KLHL1: variants seen among roughly 807,000 people sequenced by gnomAD.
The protein encoded by KLHL1 is kelch like family member 1, also known as kelch-like protein 1.
Under a neutral mutation model 77.7 loss-of-function variants are expected in KLHL1, and 47 were observed. That is an observed-to-expected ratio of 0.60 (90% CI 0.48 to 0.77). The LOEUF is 0.77. Among genes scored for constraint, KLHL1 ranks in the 30% least tolerant of loss-of-function variants. KLHL1 has a pLI of 0.00. For missense variants in KLHL1, 925 were observed against 910.8 expected (o/e 1.02, Z -0.20); for synonymous variants, 360 against 325.2 (o/e 1.11, Z -1.15).
At chr13:69,710,926 ACT>A (rs1269791640) in intron 9 of KLHL1, among the ~76,000 whole-genome samples, 3 of 151,874 alleles carry the variant, frequency 2.0e-5, no homozygotes, top group Non-Finnish European at 4.4e-5. Context: ...CGTATCAGAG[ACT>A]CTATTAAGGT....
intron 1 of KLHL1, among the ~76,000 whole-genome samples, chr13:70,104,939 G>A (rs1027416689): frequency 3.3e-5 from 5 of 151,936 alleles, no homozygotes. Context: ...ATTATATACT[G>A]ATAATGATTA....
At chr13:70,076,418 C>G (rs1041132855) in intron 1 of KLHL1, among the ~76,000 whole-genome samples, 5 of 142,056 alleles carry the variant, frequency 3.5e-5, no homozygotes, top group African/African-American at 1.0e-4. Flanking sequence ...TTTGGATCAA[C>G]TGGATTGCCA....
chr13:69,858,399 G>T (rs1021617639), intron 5 of KLHL1, among the ~76,000 whole-genome samples: 1 of 152,036 alleles, frequency 6.6e-6, no homozygotes, highest in Admixed American at 6.6e-5. Flanking sequence ...TAAATATTAT[G>T]TATAAATCGT....
intron 2 of KLHL1, among the ~76,000 whole-genome samples, chr13:69,965,566 G>T (rs1007933652): frequency 9.9e-5 from 15 of 152,118 alleles, no homozygotes; most frequent in African/African-American, 3.6e-4. Flanking sequence ...GTGTCCAAAT[G>T]AATGGAAGTG....
intron 6 of KLHL1, among the ~76,000 whole-genome samples, chr13:69,832,178 A>G (rs1452018421): frequency 6.7e-6 from 1 of 149,914 alleles, no homozygotes; most frequent in Non-Finnish European, 1.5e-5. Flanking sequence ...CACTGATGAT[A>G]TGATTGTATA....
chr13:69,800,329 G>A (rs1877319822), intron 6 of KLHL1, among the ~76,000 whole-genome samples: 1 of 152,130 alleles, frequency 6.6e-6, no homozygotes, highest in Non-Finnish European at 1.5e-5. Flanking sequence ...CATATTCACA[G>A]GTTCCAGGGT....
At chr13:70,103,316 A>G (rs1314630733) in intron 1 of KLHL1, among the ~76,000 whole-genome samples, 1 of 152,194 alleles carries the variant, frequency 6.6e-6, no homozygotes, top group African/African-American at 2.4e-5. Flanking sequence ...CCTACATAGC[A>G]GACAAAGGAC....
intron 7 of KLHL1, among the ~76,000 whole-genome samples, chr13:69,764,118 A>T (rs907360554): frequency 1.6e-4 from 24 of 152,202 alleles, no homozygotes; most frequent in African/African-American, 5.5e-4. Flanking sequence ...AATTAAATTT[A>T]GCCTGAAGCT....
chr13:69,955,943 T>TA (rs1491391130), intron 3 of KLHL1, among the ~76,000 whole-genome samples: 3 of 97,534 alleles, frequency 3.1e-5, no homozygotes, highest in East Asian at 2.2e-4. Flanking sequence ...TTGATATATA[T>TA]TTATATATAT....
chr13:70,061,084 C>T (rs1197824433), intron 1 of KLHL1, among the ~76,000 whole-genome samples: 1 of 151,976 alleles, frequency 6.6e-6, no homozygotes, highest in African/African-American at 2.4e-5. Flanking sequence ...TGGGAGGGGT[C>T]ACTGGGGGAG....
At chr13:70,025,641 G>C (rs956671586) in intron 1 of KLHL1, among the ~76,000 whole-genome samples, 1 of 151,358 alleles carries the variant, frequency 6.6e-6, no homozygotes, top group African/African-American at 2.4e-5. Flanking sequence ...TCAGAACATA[G>C]TCACAATTTG....
chr13:70,032,695 T>A (rs1452951479), intron 1 of KLHL1, among the ~76,000 whole-genome samples: 1 of 152,198 alleles, frequency 6.6e-6, no homozygotes, highest in African/African-American at 2.4e-5. Flanking sequence ...TTTGAAATAA[T>A]CCCTAAGTAT....
At chr13:69,893,181 T>TA (rs139898851) in intron 4 of KLHL1, among the ~76,000 whole-genome samples, 15,117 of 150,366 alleles carry the variant, frequency 0.1, 968 homozygotes, top group African/African-American at 0.17. Flanking sequence ...GTATACTCTA[T>TA]AAAAAAATTG....
At chr13:70,060,950 A>G (rs1886865178) in intron 1 of KLHL1, among the ~76,000 whole-genome samples, 1 of 152,188 alleles carries the variant, frequency 6.6e-6, no homozygotes, top group Admixed American at 6.5e-5. Context: ...GAACTGAGGG[A>G]CACTATGTTA....
At chr13:69,984,712 A>C (rs1884814375) in intron 1 of KLHL1, among the ~76,000 whole-genome samples, 2 of 152,046 alleles carry the variant, frequency 1.3e-5, no homozygotes, top group African/African-American at 4.8e-5. Flanking sequence ...TCCGCTCTTA[A>C]CTTCACTCCA....
chr13:70,090,329 T>C (rs1191673673), intron 1 of KLHL1, among the ~76,000 whole-genome samples: 7 of 151,976 alleles, frequency 4.6e-5, no homozygotes, highest in African/African-American at 1.4e-4. Flanking sequence ...ACAGGCTTCA[T>C]AGAAGTACTG....
intron 3 of KLHL1, among the ~76,000 whole-genome samples, chr13:69,945,560 A>C (rs1168214073): frequency 1.3e-5 from 2 of 152,118 alleles, no homozygotes; most frequent in Non-Finnish European, 2.9e-5. Flanking sequence ...ATAAAATATT[A>C]TATACGGAAT....
At chr13:69,705,331 T>A (rs1431624832) in intron 10 of KLHL1, among the ~76,000 whole-genome samples, 1 of 151,708 alleles carries the variant, frequency 6.6e-6, no homozygotes, top group Non-Finnish European at 1.5e-5. Context: ...TGTGTATGCA[T>A]TCTCTGTAAA....
At chr13:70,018,740 C>G (rs1885718578) in intron 1 of KLHL1, among the ~76,000 whole-genome samples, 1 of 149,876 alleles carries the variant, frequency 6.7e-6, no homozygotes, top group African/African-American at 2.5e-5. Context: ...CTAGATTTTT[C>G]CTTAAAGTAG....
Sources: gnomAD v4.1 joint callset for allele counts (sites outside exome capture counted in the v4.1 genomes callset) on GRCh38, gnomAD v4.1.1 for gene constraint, MANE v1.5 for transcripts, NCBI Gene and HGNC (gene_info 2026-07-23, HGNC 2026-07-21) for gene names.